The following KAT6B variants were observed in gnomAD, a reference collection of about 807,000 sequenced individuals.
KAT6B encodes the protein histone acetyltransferase KAT6B.
In KAT6B, 10 loss-of-function variants were observed where a neutral mutation model predicts 187.5. The observed-to-expected ratio is 0.05, with a 90% CI of 0.03 to 0.09. The LOEUF (loss-of-function observed/expected upper bound fraction) is 0.09. Ranked by LOEUF, KAT6B falls within the 10% of genes least tolerant of loss-of-function variation. The pLI, the probability that KAT6B is intolerant of heterozygous loss-of-function variation, is 1.00. For missense variants in KAT6B, 1,952 were observed against 2,558.9 expected, an observed-to-expected ratio of 0.76 and a Z score of 5.12; for synonymous variants, 861 against 926.8, an observed-to-expected ratio of 0.93 and a Z score of 1.29.
rs1019373559 is a variant in KAT6B, at chr10:74,976,022, A to G, written c.1685A>G (p.His562Arg). The change falls in exon 8 of 18, where the codon CAC (histidine) becomes CGC (arginine). Residue 562 changes from histidine (H) to arginine (R), a missense_variant. His to Arg is a conservative substitution (Grantham distance 29). Transcript: ENST00000287239. The stretch of plus-strand genomic sequence containing the variant: ...CAGGGACAGTCTCGCAAAAAGGGAC[A>G]CCCGAGTTATGCACCACCCAAACGT... ...TTQGQSRKKG[H>R]PSYAPPKRMR... The G allele has an allele frequency of 3.1e-6, 5 of 1,614,056 alleles. No individual in the cohort carries two copies. The African/African-American group carries it at 5.3e-5, about 17-fold the overall frequency.
chr10:74,908,711 T>TC (rs1466739976), intron 3 of KAT6B, among the ~76,000 whole-genome samples: 3 of 152,198 alleles, frequency 2.0e-5, no homozygotes, highest in Non-Finnish European at 4.4e-5. Context: ...CCTAGTATAT[T>TC]CCCCCTGATT....
chr10:74,908,957 A>G (rs1846996173), intron 3 of KAT6B, among the ~76,000 whole-genome samples: 1 of 152,308 alleles, frequency 6.6e-6, no homozygotes, highest in African/African-American at 2.4e-5. Flanking sequence ...TGGTCTCTGA[A>G]CCAAGGTTTC....
At chr10:74,944,092 G>T (rs1254040217) in intron 3 of KAT6B, among the ~76,000 whole-genome samples, 3 of 152,196 alleles carry the variant, frequency 2.0e-5, no homozygotes, top group South Asian at 4.1e-4. Context: ...CAACAAAGCA[G>T]CACTGGATGG....
Position 75,030,810 on chromosome 10 carries a change from A to G in KAT6B, c.5986A>G (p.Ser1996Gly), listed in dbSNP as rs370316256. ...MNTLNAMNGY[S>G]MSQPMMNSGY... Reference sequence around the variant, plus strand: ...CACTCTCAACGCCATGAATGGGTACAGCATGTCCCAGCCAATGATGAACAG... The same window carrying G: ...CACTCTCAACGCCATGAATGGGTACGGCATGTCCCAGCCAATGATGAACAG... Residue 1996 changes from serine (S) to glycine (G), a missense_variant, in exon 18 of 18, where the codon AGC becomes GGC. Ser to Gly is a moderately conservative substitution (Grantham distance 56). Transcript: ENST00000287239. This position sits in a 1 kb window ranked among gnomAD's most constrained non-coding sequence, Gnocchi z 4.8. The G allele has an allele frequency of 1.2e-6, 2 of 1,614,136 alleles. No individual in the cohort carries two copies. The highest frequency in any genetic ancestry group is 2.2e-5 in the East Asian group (1 of 44,904).
chr10:74,975,983 A>C lies in KAT6B; in HGVS notation c.1646A>C (p.His549Pro), dbSNP rs755919401. The stretch of plus-strand genomic sequence containing the variant: ...AAGGCACTCTTTGATGGGCTTTCTC[A>C]TATCTATACCACTCAGGGACAGTCT... ...QLKALFDGLS[H>P]IYTTQGQSRK... The change falls in exon 8 of 18, where the codon CAT becomes CCT. Residue 549 changes from histidine (H) to proline (P), a missense_variant. His to Pro is a moderately conservative substitution (Grantham distance 77, BLOSUM62 -2). Coordinates refer to ENST00000287239, the MANE Select transcript of KAT6B (RefSeq NM_012330.4). 1.2e-6 allele frequency: 2 copies of C among 1,614,052 alleles called. No homozygotes were observed. Among genetic ancestry groups the C allele is most frequent in the Non-Finnish European group, 8.5e-7 (1 of 1,179,998 alleles).
At chr10:74,915,083 G>A (rs79665709) in intron 3 of KAT6B, among the ~76,000 whole-genome samples, 3,909 of 152,166 alleles carry the variant, frequency 0.026, 116 homozygotes, top group African/African-American at 0.071. Flanking sequence ...TTGGGCAATG[G>A]AGCAAAACCT....
chr10:74,972,249 G>T (rs1197477165), intron 6 of KAT6B, among the ~76,000 whole-genome samples: 3 of 152,036 alleles, frequency 2.0e-5, no homozygotes, highest in Non-Finnish European at 4.4e-5. Flanking sequence ...TTGGTGAGAG[G>T]CTTAATGACA....
chr10:75,015,828 T>A (rs1184721627), intron 13 of KAT6B, among the ~76,000 whole-genome samples: 4 of 152,080 alleles, frequency 2.6e-5, no homozygotes. Context: ...GAGATGGAAG[T>A]TGGGAGTGAG....
chr10:74,830,787 T>A (rs1222250786), intron 1 of KAT6B, among the ~76,000 whole-genome samples: 4 of 83,592 alleles, frequency 4.8e-5, no homozygotes, highest in East Asian at 3.5e-4. Context: ...TTTTTTTTTT[T>A]TTTTTTTTTT....
At chr10:74,994,547 C>T (rs1468372017) in intron 13 of KAT6B, among the ~76,000 whole-genome samples, 1 of 152,040 alleles carries the variant, frequency 6.6e-6, no homozygotes, top group African/African-American at 2.4e-5. Flanking sequence ...CTTTGGGAGG[C>T]CGAGACAGGC....
At chr10:74,986,340 TG>T (rs1418209635) in intron 12 of KAT6B, among the ~76,000 whole-genome samples, 2 of 152,250 alleles carry the variant, frequency 1.3e-5, no homozygotes, top group African/African-American at 4.8e-5. Flanking sequence ...ACAATAATTA[TG>T]AGACTTTTAG....
At chr10:74,925,511 A>G (rs1848433077) in intron 3 of KAT6B, among the ~76,000 whole-genome samples, 2 of 150,894 alleles carry the variant, frequency 1.3e-5, no homozygotes, top group South Asian at 4.2e-4. Context: ...ATAATCCAGA[A>G]GCATTTTGTA....
rs781188267 is a variant in KAT6B, at chr10:74,975,943, A to G, written c.1606A>G (p.Thr536Ala). 29 of 1,613,970 alleles carry G rather than the reference A, an allele frequency of 1.8e-5. No individual in the cohort carries two copies. The highest frequency in any genetic ancestry group is 2.4e-5 in the Non-Finnish European group (28 of 1,180,000). The change falls in exon 8 of 18, where the codon ACT becomes GCT. Residue 536 changes from threonine to alanine, a missense_variant. Transcript: ENST00000287239. ...CSVPSLSSLT[T>A]NSQLKALFDG... is the part of the protein sequence containing the mutation. ...TGTGCCCTCCCTGAGCAGCCTTACC[A>G]CTAACAGCCAGCTGAAGGCACTCTT...
At chr10:74,973,197 A>G (rs375612370) in intron 7 of KAT6B, among the ~76,000 whole-genome samples, 2 of 152,230 alleles carry the variant, frequency 1.3e-5, no homozygotes, top group South Asian at 4.1e-4. Flanking sequence ...TAGTGCAGAC[A>G]TATATATAAA....
chr10:74,948,386 A>C (rs915850965), intron 3 of KAT6B, among the ~76,000 whole-genome samples: 3 of 152,252 alleles, frequency 2.0e-5, no homozygotes, highest in African/African-American at 7.2e-5. Context: ...AGTGCAGGGC[A>C]TTGTCAGAGG....
At chr10:74,871,953 A>G (rs888485689) in intron 3 of KAT6B, among the ~76,000 whole-genome samples, 7 of 152,324 alleles carry the variant, frequency 4.6e-5, no homozygotes, top group Admixed American at 3.3e-4. Flanking sequence ...CCCACCTGAG[A>G]GGACAGGATG....
chr10:74,906,449 T>G (rs1458699481), intron 3 of KAT6B, among the ~76,000 whole-genome samples: 1 of 152,178 alleles, frequency 6.6e-6, no homozygotes, highest in African/African-American at 2.4e-5. Context: ...TCCTAAATAT[T>G]GGGACATTTG....
At chr10:75,016,447 G>A (rs1844978479) in intron 13 of KAT6B, among the ~76,000 whole-genome samples, 1 of 152,218 alleles carries the variant, frequency 6.6e-6, no homozygotes, top group Admixed American at 6.5e-5. Context: ...AAAGTCAGAT[G>A]TCACCTTCCC....
intron 11 of KAT6B, 51 bp downstream of exon 11, chr10:74,981,979 A>C (rs1388392700): frequency 6.6e-7 from 1 of 1,518,214 alleles, no homozygotes; most frequent in Admixed American, 1.7e-5. Context: ...TAGTACTCCT[A>C]ATTGTTGACT....
Sources: gnomAD v4.1 joint callset for allele counts (sites outside exome capture counted in the v4.1 genomes callset) on GRCh38, gnomAD v4.1.1 for gene constraint, Gnocchi (gnomAD v3.1) non-coding constraint, MANE v1.5 for transcripts, NCBI Gene and HGNC (gene_info 2026-07-23, HGNC 2026-07-21) for gene names.